Variants in TIRAP observed in about 807,000 individuals in gnomAD.
TIRAP encodes the protein toll/interleukin-1 receptor domain-containing adapter protein.
Under a neutral mutation model 19.8 loss-of-function variants are expected in TIRAP, and 20 were observed. That is an observed-to-expected ratio of 1.01 (90% confidence interval 0.71 to 1.47). The LOEUF (loss-of-function observed/expected upper bound fraction) is 1.47, where lower values mean the gene tolerates loss of function less well. Ranked by LOEUF, TIRAP falls within the 40% of genes most tolerant of loss-of-function variation. TIRAP has a pLI of 0.00. For synonymous variants in TIRAP, 125 were observed against 121.7 expected (o/e 1.03, Z -0.18); for missense variants, 276 against 285.1 (o/e 0.97, Z 0.23).
chr11:126,289,004 A>G (rs1424639190), intron 1 of TIRAP, among the ~76,000 whole-genome samples: 3 of 152,196 alleles, frequency 2.0e-5, no homozygotes, highest in African/African-American at 7.2e-5. Context: ...GGCTGTCTGA[A>G]ATCCCAAGCA....
intron 4 of TIRAP, 188 bp downstream of exon 4, chr11:126,293,243 C>T (rs1951430842): frequency 6.7e-6 from 7 of 1,038,814 alleles, no homozygotes; most frequent in South Asian, 2.7e-5. Context: ...GTTACTCACC[C>T]GCTCTGTGCC....
At position 126,292,479 on chromosome 11, in the gene TIRAP, T is replaced by C; in HGVS notation, c.70T>C (p.Trp24Arg). 2 of 1,613,752 alleles carry C rather than the reference T, an allele frequency of 1.2e-6. No individual in the cohort carries two copies. The highest frequency in any genetic ancestry group is 1.7e-6 in the Non-Finnish European group (2 of 1,179,932). The change falls in exon 4 of 5, where the codon TGG (tryptophan) becomes CGG (arginine). Residue 24 changes from tryptophan (W) to arginine (R), a missense_variant and splice_region_variant. By Grantham distance (101) the Trp-to-Arg change is moderately radical (BLOSUM62 -3). Transcript: ENST00000392679. ...PKKPLGKMADWFRQTLLKKPK... is the reference protein window; with the variant it reads ...PKKPLGKMADRFRQTLLKKPK... The stretch of plus-strand genomic sequence containing the variant: ...TGAGCAGTGTTTCTCCCCCACAGAC[T>C]GGTTCAGGCAGACCCTGCTGAAGAA...
intron 1 of TIRAP, among the ~76,000 whole-genome samples, chr11:126,284,085 G>GGA (rs1951288338): frequency 7.6e-6 from 1 of 132,350 alleles, no homozygotes; most frequent in South Asian, 2.3e-4. Flanking sequence ...CCTCTGGGCT[G>GGA]GAGTGCAGTG....
In TIRAP at chr11:126,290,729, C is replaced by T. The variant is rs950748012; in HGVS notation, c.-92-74C>T. ...AGGCATTAGGAGAGAAACAGAACTT[C>T]GCAGAGCTCATCCATGGGGAATGAG... is the stretch of plus-strand genomic sequence containing the variant. On this transcript the variant is annotated intron_variant, in intron 2 of 4. Transcript: ENST00000392679. This position sits in a 1 kb window ranked among gnomAD's most constrained non-coding sequence, Gnocchi z 4.9. 7.1e-5 allele frequency: 99 copies of T among 1,402,814 alleles called. No homozygotes were observed. The highest frequency in any genetic ancestry group is 3.7e-4 in the Middle Eastern group (2 of 5,462). 86.9% of individuals were successfully genotyped at this position (1,402,814 alleles called of 1,614,324 possible).
chr11:126,294,495 C>T lies in TIRAP; in HGVS notation c.*808C>T. ...CACAAGCCCATGGATGCTGTGACAT[C>T]TGGGAGCTTCATCAGTGGTCTGGCT... On this transcript the variant is annotated 3_prime_UTR_variant, in exon 5 of 5. Coordinates refer to ENST00000392679, the MANE Select transcript of TIRAP (RefSeq NM_001318777.2). 2.2e-6 allele frequency: 1 copy of T among 456,246 alleles called. No homozygotes were observed. The highest frequency in any genetic ancestry group is 1.5e-5 in the South Asian group (1 of 64,558). The allele number at this position is 456,246 out of a possible 1,614,324, so 28.3% of individuals were successfully genotyped here.
Position 126,292,846 on chromosome 11 carries a change from T to G in TIRAP, c.437T>G (p.Leu146Arg), listed in dbSNP as rs765257391. ...AGCAGTAGTCACTGCCGGGTGCTGCTCATCACGCCGGGCTTCCTTCAGGAC... is the reference window on the plus strand; with the variant it reads ...AGCAGTAGTCACTGCCGGGTGCTGCGCATCACGCCGGGCTTCCTTCAGGAC... ...ALSSSHCRVLLITPGFLQDPW... is the reference protein window; with the variant it reads ...ALSSSHCRVLRITPGFLQDPW... The change falls in exon 4 of 5, where the codon CTC becomes CGC. Residue 146 changes from leucine to arginine, a missense_variant. By Grantham distance (102) the Leu-to-Arg change is moderately radical (BLOSUM62 -2). Coordinates refer to ENST00000392679, the MANE Select transcript of TIRAP (RefSeq NM_001318777.2). 36 of 1,613,050 alleles carry G rather than the reference T, an allele frequency of 2.2e-5. No individual in the cohort carries two copies. The highest frequency in any genetic ancestry group is 3.3e-5 in the Admixed American group (2 of 59,938).
Position 126,290,765 on chromosome 11 carries a change from G to A in TIRAP, c.-92-38G>A, listed in dbSNP as rs901562419. The A allele has an allele frequency of 6.8e-6, 10 of 1,472,958 alleles. No individual in the cohort carries two copies. The highest frequency in any genetic ancestry group is 9.0e-6 in the Non-Finnish European group (10 of 1,116,348). 91.2% of individuals were successfully genotyped at this position (1,472,958 alleles called of 1,614,324 possible). On this transcript the variant is annotated intron_variant, in intron 2 of 4. Transcript: ENST00000392679. The surrounding 1 kb of genome is among the most constrained non-coding windows in gnomAD (Gnocchi z 4.9). ...TCCATGGGGAATGAGAGCAGGGTAA[G>A]TGCAGCCTTTGTGATTCTCTCTCTC...
intron 4 of TIRAP, chr11:126,293,432 C>G (rs1951433709): frequency 4.2e-6 from 3 of 710,102 alleles, no homozygotes; most frequent in Admixed American, 4.0e-5. Context: ...TCTCTGAGAT[C>G]AGGCTGGAGA....
rs199561634 is a variant in TIRAP at position 126,293,029 on chromosome 11, G to T, written c.620G>T (p.Arg207Leu). The change falls in exon 4 of 5, where the codon CGT (arginine) becomes CTT (leucine). Residue 207 changes from arginine to leucine, a missense_variant. Transcript: ENST00000392679. ...GGCAGGGGCCCTGATGGTGGCTTTCGTCAAGTCAAAGAAGCTGTCATGCGT... is the reference window on the plus strand; with the variant it reads ...GGCAGGGGCCCTGATGGTGGCTTTCTTCAAGTCAAAGAAGCTGTCATGCGT... ...VDGRGPDGGFRQVKEAVMRYL... is the reference protein window; with the variant it reads ...VDGRGPDGGFLQVKEAVMRYL... 1 of 1,614,162 alleles carries T rather than the reference G, an allele frequency of 6.2e-7. No individual in the cohort carries two copies. Among genetic ancestry groups the T allele is most frequent in the Admixed American group, 1.7e-5 (1 of 60,024 alleles).
Position 126,290,714 on chromosome 11 carries a change from A to C in TIRAP, c.-92-89A>C. 1 of 1,383,374 alleles carries C rather than the reference A, an allele frequency of 7.2e-7. No individual in the cohort carries two copies. 85.7% of individuals were successfully genotyped at this position (1,383,374 alleles called of 1,614,324 possible). On this transcript the variant is annotated intron_variant, in intron 2 of 4. Coordinates refer to ENST00000392679, the MANE Select transcript of TIRAP (RefSeq NM_001318777.2). The surrounding 1 kb of genome is among the most constrained non-coding windows in gnomAD (Gnocchi z 4.9). ...GAAGAAGCCTCTGTCAGGCATTAGGAGAGAAACAGAACTTCGCAGAGCTCA... is the reference window on the plus strand; with the variant it reads ...GAAGAAGCCTCTGTCAGGCATTAGGCGAGAAACAGAACTTCGCAGAGCTCA...
In TIRAP at chr11:126,290,433, T is replaced by A; in HGVS notation, c.-216-29T>A. ...CTGGATACATAATTATTTGTCCAAA[T>A]AGCAACTGTCCTTCTTCTGCCATTT... On this transcript the variant is annotated intron_variant, in intron 1 of 4. Coordinates refer to ENST00000392679, the MANE Select transcript of TIRAP (RefSeq NM_001318777.2). The surrounding 1 kb of genome is among the most constrained non-coding windows in gnomAD (Gnocchi z 4.9). The A allele has an allele frequency of 1.0e-6, 1 of 989,574 alleles. No individual in the cohort carries two copies. The highest frequency in any genetic ancestry group is 1.2e-6 in the Non-Finnish European group (1 of 832,868). 61.3% of individuals were successfully genotyped at this position (989,574 alleles called of 1,614,324 possible). A position where few individuals can be genotyped will look rare whatever the true frequency, so the allele number is the denominator to read the frequency against.
chr11:126,284,845 C>T (rs1030151464), intron 1 of TIRAP, among the ~76,000 whole-genome samples: 1 of 133,188 alleles, frequency 7.5e-6, no homozygotes, highest in Non-Finnish European at 1.7e-5. Context: ...CAGAGGGAGA[C>T]TCCGTCTCAA....
Position 126,293,802 on chromosome 11 carries a change from C to A in TIRAP, c.*115C>A. 8.6e-7 allele frequency: 1 copy of A among 1,161,434 alleles called. No individual in the cohort carries two copies. Among genetic ancestry groups the A allele is most frequent in the Non-Finnish European group, 1.3e-6 (1 of 773,840 alleles). 71.9% of individuals were successfully genotyped at this position (1,161,434 alleles called of 1,614,324 possible). ...GAGGTATAGGGAGTGAGTCACAGCG[C>A]TTTGCTCGTGACCCTGGGATCAGAG... On this transcript the variant is annotated 3_prime_UTR_variant, in exon 5 of 5. Transcript: ENST00000392679.
At position 126,294,516 on chromosome 11, in the gene TIRAP, T is replaced by C. The variant is rs1048311664; in HGVS notation, c.*829T>C. Reference sequence around the variant, plus strand: ...ACATCTGGGAGCTTCATCAGTGGTCTGGCTAAAGCTGATACTTTCACAGTC... The same window carrying C: ...ACATCTGGGAGCTTCATCAGTGGTCCGGCTAAAGCTGATACTTTCACAGTC... On this transcript the variant is annotated 3_prime_UTR_variant, in exon 5 of 5. Coordinates refer to ENST00000392679, the MANE Select transcript of TIRAP (RefSeq NM_001318777.2). 3.9e-5 allele frequency: 18 copies of C among 456,148 alleles called. No homozygotes were observed. Among genetic ancestry groups the C allele is most frequent in the Non-Finnish European group, 7.0e-5 (16 of 226,956 alleles). The allele number at this position is 456,148 out of a possible 1,614,324, so 28.3% of individuals were successfully genotyped here.
chr11:126,292,301 CAA>C (rs33948579), intron 3 of TIRAP, among the ~76,000 whole-genome samples, 174 bp from the exon 4 acceptor site: 9 of 118,122 alleles, frequency 7.6e-5, no homozygotes, highest in Admixed American at 8.9e-5. Flanking sequence ...GACTCTGCCT[CAA>C]AAAAAAAAAA....
chr11:126,287,679 A>G lies in TIRAP; in HGVS notation c.-216-2783A>G, dbSNP rs1022361576. On this transcript the variant is annotated intron_variant, in intron 1 of 4. Coordinates refer to ENST00000392679, the MANE Select transcript of TIRAP (RefSeq NM_001318777.2). This position sits in a 1 kb window ranked among gnomAD's most constrained non-coding sequence, Gnocchi z 4.2. ...TTCCTTTACATCAGTTTCTGCACAT[A>G]ATATTGGAAAAGCATTCTAGAAAGC... Among the ~76,000 whole-genome samples the G allele has an allele frequency of 6.6e-6, 1 of 152,110 alleles. No homozygotes were observed.
chr11:126,293,510 A>G (rs1027047107), intron 4 of TIRAP, 158 bp from the exon 5 acceptor site: 27 of 919,116 alleles, frequency 2.9e-5, no homozygotes, highest in Non-Finnish European at 4.5e-5. Context: ...ATGCAAAATA[A>G]TAGGAAAGAA....
chr11:126,292,076 C>T (rs1178171919), intron 3 of TIRAP, among the ~76,000 whole-genome samples: 5 of 152,000 alleles, frequency 3.3e-5, no homozygotes, highest in Non-Finnish European at 5.9e-5. Flanking sequence ...GAGGCTGAGG[C>T]GGGCAGATCA....
chr11:126,289,396 G>C (rs544487120), intron 1 of TIRAP, among the ~76,000 whole-genome samples: 6 of 152,222 alleles, frequency 3.9e-5, no homozygotes, highest in African/African-American at 1.2e-4. Context: ...TTCTGCCTCA[G>C]CCTCCCAAGT....
Sources: allele counts gnomAD v4.1 joint callset (sites outside exome capture counted in the v4.1 genomes callset), GRCh38; gene constraint gnomAD v4.1.1; non-coding constraint Gnocchi (gnomAD v3.1); transcripts MANE v1.5; gene names NCBI Gene and HGNC (gene_info 2026-07-23, HGNC 2026-07-21).